VRK1: variants seen among roughly 807,000 people sequenced by gnomAD.
VRK1 encodes serine/threonine-protein kinase VRK1.
VRK1 carries 33 observed loss-of-function variants against 57.1 expected under a neutral mutation model. The ratio of observed to expected loss-of-function variants is 0.58; its 90% confidence interval spans 0.44 to 0.77. The LOEUF is 0.77. VRK1 is among the 30% of genes least tolerant of loss of function. The pLI is 0.00. For missense variants in VRK1, 413 were observed against 477.3 expected, an observed-to-expected ratio of 0.87 and a Z score of 1.25; for synonymous variants, 137 against 147.8, an observed-to-expected ratio of 0.93 and a Z score of 0.53.
intron 11 of VRK1, among the ~76,000 whole-genome samples, chr14:96,861,817 T>C (rs1888400209): frequency 6.6e-6 from 1 of 151,352 alleles, no homozygotes; most frequent in African/African-American, 2.4e-5. Context: ...GGTCAACAAG[T>C]GTGCTGAAAA....
chr14:96,866,558 C>T (rs941453829), intron 11 of VRK1, among the ~76,000 whole-genome samples: 3 of 152,044 alleles, frequency 2.0e-5, no homozygotes, highest in Non-Finnish European at 2.9e-5. Context: ...ATTATTCTGC[C>T]GTCTTTCTCC....
intron 1 of VRK1, among the ~76,000 whole-genome samples, chr14:96,818,911 A>G (rs1886492237): frequency 6.6e-6 from 1 of 152,192 alleles, no homozygotes; most frequent in Non-Finnish European, 1.5e-5. Context: ...AAGTGGCTTT[A>G]TAAACTCAAG....
chr14:96,859,141 T>C (rs1888281099), intron 10 of VRK1: 1 of 152,232 alleles, frequency 6.6e-6, no homozygotes, highest in Middle Eastern at 3.2e-3. Flanking sequence ...TATTTAATGC[T>C]ATTTTAGGTA....
chr14:96,881,170 C>T lies in VRK1; in HGVS notation c.1160-7C>T, dbSNP rs1251234541. On this transcript the variant is annotated splice_region_variant and splice_polypyrimidine_tract_variant and intron_variant, in intron 12 of 12. Transcript: ENST00000216639. ...AGTGATTTCAGTTTCTTTGATTTTT[C>T]TTCAAGGTTCAAGAACCAGAAAGAG... is the stretch of plus-strand genomic sequence containing the variant. 6.9e-6 allele frequency: 11 copies of T among 1,597,594 alleles called. No individual in the cohort carries two copies. Among genetic ancestry groups the T allele is most frequent in the Non-Finnish European group, 8.5e-6 (10 of 1,170,926 alleles).
intron 11 of VRK1, among the ~76,000 whole-genome samples, chr14:96,871,099 T>G (rs570175574): frequency 1.6e-4 from 25 of 152,310 alleles, no homozygotes; most frequent in Non-Finnish European, 3.2e-4. Context: ...TTACCTGTAA[T>G]TTTTGGTGTG....
At chr14:96,849,340 A>T (rs1887853339) in intron 5 of VRK1, among the ~76,000 whole-genome samples, 2 of 152,138 alleles carry the variant, frequency 1.3e-5, no homozygotes, top group African/African-American at 4.8e-5. Context: ...CATTATGAAA[A>T]CCACATTTCA....
chr14:96,876,610 A>G (rs1482345532), intron 12 of VRK1, among the ~76,000 whole-genome samples: 21 of 152,214 alleles, frequency 1.4e-4, no homozygotes, highest in Admixed American at 1.2e-3. Flanking sequence ...CTGATCCCAC[A>G]TAACTCTGGG....
rs1170639101 is a variant in VRK1, at chr14:96,833,464, T to C, written c.-5-3T>C. 2.5e-6 allele frequency: 4 copies of C among 1,613,170 alleles called. No individual in the cohort carries two copies. The highest frequency in any genetic ancestry group is 1.3e-5 in the African/African-American group (1 of 74,896). On this transcript the variant is annotated splice_region_variant and splice_polypyrimidine_tract_variant and intron_variant, in intron 1 of 12. Transcript: ENST00000216639. ...CTGACCATTTCTTTGTTTTATGTTA[T>C]AGTGAAAATGCCTCGTGTAAAAGCA...
intron 1 of VRK1, among the ~76,000 whole-genome samples, chr14:96,823,127 C>T (rs1252284282): frequency 6.6e-6 from 1 of 152,216 alleles, no homozygotes; most frequent in Admixed American, 6.5e-5. Context: ...CTTCTACCTT[C>T]TACTCCCTAT....
intron 11 of VRK1, among the ~76,000 whole-genome samples, chr14:96,861,509 T>A (rs1037875630): frequency 3.3e-5 from 5 of 152,212 alleles, no homozygotes; most frequent in Admixed American, 1.3e-4. Context: ...TAACCATTTT[T>A]ACTGTCATTA....
At chr14:96,797,478 G>T in intron 1 of VRK1, 31 bp downstream of exon 1, 1 of 152,428 alleles carries the variant, frequency 6.6e-6, no homozygotes, top group South Asian at 2.1e-4. Flanking sequence ...ACGGCTCGAG[G>T]ACTCGCGCGC....
intron 1 of VRK1, among the ~76,000 whole-genome samples, chr14:96,808,027 G>C (rs773790038): frequency 0.13 from 5,918 of 46,872 alleles, 187 homozygotes; most frequent in Middle Eastern, 0.24. Flanking sequence ...CTGTGTGTGT[G>C]TGTGTGTGTG....
At chr14:96,845,993 A>G (rs887900695) in intron 3 of VRK1, 102 bp from the exon 4 acceptor site, 1 of 1,074,026 alleles carries the variant, frequency 9.3e-7, no homozygotes, top group African/African-American at 1.6e-5. Flanking sequence ...TCAAAATTAC[A>G]TTGGACAGAA....
intron 11 of VRK1, among the ~76,000 whole-genome samples, chr14:96,870,299 G>A (rs1888769009): frequency 6.6e-6 from 1 of 152,094 alleles, no homozygotes; most frequent in Admixed American, 6.6e-5. Context: ...AAAGTTCAAG[G>A]CATCCTAGTG....
At position 96,870,273 on chromosome 14, in the gene VRK1, T is replaced by A. The variant is rs141473392; in HGVS notation, c.1069-5757T>A. Among the ~76,000 whole-genome samples, 1,467 of 152,276 alleles carry A rather than the reference T, an allele frequency of 9.6e-3. 20 individuals are homozygous for A. The highest frequency in any genetic ancestry group is 0.034 in the African/African-American group (1,393 of 41,548). ...GTTCAGGGCTGTGAAATCATTATTA[T>A]TATGCATTTATATAGAAAGTTCAAG... On this transcript the variant is annotated intron_variant, in intron 11 of 12. Coordinates refer to ENST00000216639, the MANE Select transcript of VRK1 (RefSeq NM_003384.3).
At chr14:96,830,451 C>T (rs78786664) in intron 1 of VRK1, among the ~76,000 whole-genome samples, 3 of 151,536 alleles carry the variant, frequency 2.0e-5, no homozygotes, top group African/African-American at 4.8e-5. Context: ...TATGTTCCTT[C>T]TCATGTAGTT....
intron 3 of VRK1, among the ~76,000 whole-genome samples, chr14:96,842,445 C>G (rs1887501439): frequency 6.6e-6 from 1 of 152,200 alleles, no homozygotes; most frequent in South Asian, 2.1e-4. Context: ...ATGTACTACT[C>G]TTTGGGGAAG....
At chr14:96,881,072 G>T (rs760287509) in intron 12 of VRK1, 105 bp from the exon 13 acceptor site, 962 of 895,116 alleles carry the variant, frequency 1.1e-3, no homozygotes, top group Middle Eastern at 1.5e-3. Context: ...GAGTCGATTT[G>T]ATTTTAAAAT....
At chr14:96,866,023 G>A (rs961798183) in intron 11 of VRK1, among the ~76,000 whole-genome samples, 1 of 151,984 alleles carries the variant, frequency 6.6e-6, no homozygotes, top group African/African-American at 2.4e-5. Flanking sequence ...GGGGAGGACT[G>A]TTTTCTTTCA....
Sources: allele counts gnomAD v4.1 joint callset (sites outside exome capture counted in the v4.1 genomes callset), GRCh38; gene constraint gnomAD v4.1.1; transcripts MANE v1.5; gene names NCBI Gene and HGNC (gene_info 2026-07-23, HGNC 2026-07-21).